CLIC4: variants seen among roughly 807,000 people sequenced by gnomAD.
CLIC4 encodes the protein chloride intracellular channel protein 4.
CLIC4 carries 13 observed loss-of-function variants against 24.6 expected under a neutral mutation model. That is an observed-to-expected ratio of 0.53 (90% CI 0.34 to 0.84). The LOEUF is 0.84. Ranked by LOEUF, CLIC4 falls within the 40% of genes least tolerant of loss-of-function variation. The probability of loss-of-function intolerance (pLI) is 0.01; values close to 1 mark genes in which losing one functional copy is unlikely to be tolerated. For missense variants in CLIC4, 227 were observed against 301.7 expected (o/e 0.75, Z 1.83); for synonymous variants, 104 against 111.3 (o/e 0.93, Z 0.41).
At chr1:24,758,301 G>T (rs371577695) in intron 1 of CLIC4, among the ~76,000 whole-genome samples, 19 of 151,152 alleles carry the variant, frequency 1.3e-4, no homozygotes, top group African/African-American at 4.1e-4. Context: ...GCTATTGTAT[G>T]TCCTAGTCTT....
chr1:24,750,991 A>G (rs1022033926), intron 1 of CLIC4, among the ~76,000 whole-genome samples: 3 of 151,884 alleles, frequency 2.0e-5, no homozygotes, highest in African/African-American at 7.3e-5. Flanking sequence ...GTTTGAAATG[A>G]GATTGTGCCC....
chr1:24,809,821 G>A (rs926138026), intron 2 of CLIC4, among the ~76,000 whole-genome samples: 2 of 152,196 alleles, frequency 1.3e-5, no homozygotes, highest in African/African-American at 4.8e-5. Flanking sequence ...GAAGAAGGAA[G>A]GCAGGCAGGC....
At chr1:24,767,843 A>G (rs1446180135) in intron 1 of CLIC4, among the ~76,000 whole-genome samples, 1 of 150,878 alleles carries the variant, frequency 6.6e-6, no homozygotes, top group Non-Finnish European at 1.5e-5. Flanking sequence ...TTAAAATTAT[A>G]TATATATATA....
chr1:24,788,513 T>C (rs1345377399), intron 1 of CLIC4, among the ~76,000 whole-genome samples: 1 of 152,176 alleles, frequency 6.6e-6, no homozygotes, highest in African/African-American at 2.4e-5. Context: ...AGAAGTCCGT[T>C]ATAGTTGTCC....
At position 24,818,265 on chromosome 1, in the gene CLIC4, T is replaced by G. The variant is rs137981002; in HGVS notation, c.308+4046T>G. On this transcript the variant is annotated intron_variant, in intron 3 of 5. Coordinates refer to ENST00000374379, the MANE Select transcript of CLIC4 (RefSeq NM_013943.3). ...ACAATAAGACAAGTTATACCTGAAG[T>G]TACTCAATTTGGTTTTTTTTTGTTT... Among the ~76,000 whole-genome samples, 252 of 152,094 alleles carry G rather than the reference T, an allele frequency of 1.7e-3. 1 individual carries two copies. Among genetic ancestry groups the G allele is most frequent in the Non-Finnish European group, 3.1e-3 (210 of 67,972 alleles).
chr1:24,801,263 G>C (rs1028499531), intron 2 of CLIC4, among the ~76,000 whole-genome samples: 12 of 152,144 alleles, frequency 7.9e-5, no homozygotes, highest in Non-Finnish European at 1.8e-4. Context: ...TAATTGACTG[G>C]CAGTTCTGCA....
rs375151030 is a variant in CLIC4, at chr1:24,806,631, CTAAAT to C, written c.183-7459_183-7455del. On this transcript the variant is annotated intron_variant, in intron 2 of 5. Coordinates refer to ENST00000374379, the MANE Select transcript of CLIC4 (RefSeq NM_013943.3). ...ACTTTCCTTGGTTGTATATATGACT[CTAAAT>C]TAATCAGATTTTGTTTATTACCAAT... is the stretch of plus-strand genomic sequence containing the variant. 5.9e-3 allele frequency among the ~76,000 whole-genome samples: 899 copies of C among 152,216 alleles called. 8 individuals carry two copies. Among genetic ancestry groups the C allele is most frequent in the African/African-American group, 0.02 (826 of 41,520 alleles).
chr1:24,813,048 T>C (rs1323250297), intron 2 of CLIC4, among the ~76,000 whole-genome samples: 1 of 147,654 alleles, frequency 6.8e-6, no homozygotes, highest in Non-Finnish European at 1.5e-5. Flanking sequence ...CTTTCTTTCT[T>C]TTTTTTTTTT....
chr1:24,785,877 GA>G (rs1487867009), intron 1 of CLIC4, among the ~76,000 whole-genome samples: 3 of 115,490 alleles, frequency 2.6e-5, no homozygotes, highest in Non-Finnish European at 5.5e-5. Context: ...AAAAAAAAAA[GA>G]AAAGAAAAAA....
chr1:24,758,077 T>C (rs1638873464), intron 1 of CLIC4, among the ~76,000 whole-genome samples: 3 of 152,248 alleles, frequency 2.0e-5, no homozygotes, highest in African/African-American at 7.2e-5. Flanking sequence ...CCTTTCTCTG[T>C]TTTAGTTTAA....
chr1:24,787,157 G>T (rs1356404751), intron 1 of CLIC4, among the ~76,000 whole-genome samples: 1 of 152,036 alleles, frequency 6.6e-6, no homozygotes, highest in African/African-American at 2.4e-5. Flanking sequence ...TAATTTTTAA[G>T]AAAACAGTAG....
At chr1:24,801,795 A>G (rs780009627) in intron 2 of CLIC4, among the ~76,000 whole-genome samples, 18 of 152,220 alleles carry the variant, frequency 1.2e-4, no homozygotes, top group South Asian at 2.1e-4. Flanking sequence ...TTTAAAATTT[A>G]TTGAACATAA....
intron 1 of CLIC4, among the ~76,000 whole-genome samples, chr1:24,755,025 T>A (rs1638827659): frequency 6.6e-6 from 1 of 150,402 alleles, no homozygotes; most frequent in African/African-American, 2.5e-5. Context: ...TGAGCTGAGA[T>A]TGTGTTACTA....
chr1:24,747,967 G>A (rs1255090146), intron 1 of CLIC4, among the ~76,000 whole-genome samples: 1 of 150,404 alleles, frequency 6.6e-6, no homozygotes, highest in African/African-American at 2.5e-5. Flanking sequence ...AAAGGTTGGA[G>A]TGAGCCAAGA....
At chr1:24,839,831 T>A in intron 4 of CLIC4, 29 bp from the exon 5 acceptor site, 1 of 1,591,798 alleles carries the variant, frequency 6.3e-7, no homozygotes, top group Non-Finnish European at 8.6e-7. Flanking sequence ...CTTCTTACAG[T>A]ATTCTCATCT....
chr1:24,814,231 G>C lies in CLIC4; in HGVS notation c.308+12G>C. 6.2e-7 allele frequency: 1 copy of C among 1,603,790 alleles called. No individual in the cohort carries two copies. Among genetic ancestry groups the C allele is most frequent in the African/African-American group, 1.3e-5 (1 of 74,288 alleles). ...TTATGCCCTCCCAAGTGAGTATCAA[G>C]GAAAATACGTATGAAAATATTGTCA... On this transcript the variant is annotated intron_variant, in intron 3 of 5. Coordinates refer to ENST00000374379, the MANE Select transcript of CLIC4 (RefSeq NM_013943.3).
At chr1:24,782,998 CA>C (rs61060695) in intron 1 of CLIC4, among the ~76,000 whole-genome samples, 12 of 151,760 alleles carry the variant, frequency 7.9e-5, no homozygotes, top group African/African-American at 2.9e-4. Flanking sequence ...CCCAACAAAA[CA>C]AAAACAAAAA....
chr1:24,811,562 G>A lies in CLIC4; in HGVS notation c.183-2532G>A, dbSNP rs192813536. On this transcript the variant is annotated intron_variant, in intron 2 of 5. Transcript: ENST00000374379. ...ATCACTGTTCACTGCAGCCTCGACC[G>A]CCTGGGCTCAACCAATCCTCCCATC... Among the ~76,000 whole-genome samples, 248 of 152,018 alleles carry A rather than the reference G, an allele frequency of 1.6e-3. 1 individual carries two copies. Among genetic ancestry groups the A allele is most frequent in the African/African-American group, 5.5e-3 (228 of 41,450 alleles).
intron 1 of CLIC4, among the ~76,000 whole-genome samples, chr1:24,769,208 A>G (rs764808040): frequency 3.2e-4 from 49 of 152,250 alleles, no homozygotes; most frequent in Non-Finnish European, 5.9e-4. Context: ...TAATAATGTT[A>G]TAAGTTTTCT....
Sources: allele counts gnomAD v4.1 joint callset (sites outside exome capture counted in the v4.1 genomes callset), GRCh38; gene constraint gnomAD v4.1.1; transcripts MANE v1.5; gene names NCBI Gene and HGNC (gene_info 2026-07-23, HGNC 2026-07-21).